TTC6: variants seen among roughly 807,000 people sequenced by gnomAD.
TTC6 encodes the protein tetratricopeptide repeat protein 6.
TTC6 carries 172 observed loss-of-function variants against 210.4 expected under a neutral mutation model. The observed-to-expected ratio is 0.82, with a 90% CI of 0.72 to 0.93. The LOEUF (loss-of-function observed/expected upper bound fraction) is 0.93. TTC6 is among the 40% of genes least tolerant of loss of function. TTC6 has a pLI of 0.00. For synonymous variants in TTC6, 804 were observed against 819.6 expected (o/e 0.98, Z 0.32); for missense variants, 2,414 against 2,318.1 (o/e 1.04, Z -0.85).
chr14:37,762,131 T>G (rs1308677368), intron 14 of TTC6, among the ~76,000 whole-genome samples: 1 of 152,240 alleles, frequency 6.6e-6, no homozygotes, highest in East Asian at 1.9e-4. Flanking sequence ...TTAATTCGTA[T>G]TGTTGTAAGT....
chr14:37,710,517 A>C (rs1334001470), intron 5 of TTC6, among the ~76,000 whole-genome samples: 1 of 152,146 alleles, frequency 6.6e-6, no homozygotes, highest in Non-Finnish European at 1.5e-5. Flanking sequence ...TGTTTCCTTC[A>C]TTCAACTCCC....
At position 37,756,253 on chromosome 14, in the gene TTC6, G is replaced by A. The variant is rs138632454; in HGVS notation, c.3266+3018G>A. ...TCAGCTTAAGGAGATTTGGGGCTGAGATGATGGCGTTTTCTAAATATACAA... is the reference window on the plus strand; with the variant it reads ...TCAGCTTAAGGAGATTTGGGGCTGAAATGATGGCGTTTTCTAAATATACAA... On this transcript the variant is annotated intron_variant, in intron 14 of 30. Transcript: ENST00000553443. Among the ~76,000 whole-genome samples, 1,295 of 152,308 alleles carry A rather than the reference G, an allele frequency of 8.5e-3. 28 individuals are homozygous for A. The highest frequency in any genetic ancestry group is 0.03 in the African/African-American group (1,230 of 41,556).
intron 3 of TTC6, among the ~76,000 whole-genome samples, chr14:37,685,500 G>A (rs1253202872): frequency 6.6e-6 from 1 of 152,142 alleles, no homozygotes; most frequent in African/African-American, 2.4e-5. Flanking sequence ...TCATATGGAT[G>A]AATAGTGTGA....
At chr14:37,780,196 A>T (rs2096050384) in intron 14 of TTC6, among the ~76,000 whole-genome samples, 1 of 152,252 alleles carries the variant, frequency 6.6e-6, no homozygotes, top group Non-Finnish European at 1.5e-5. Context: ...AAATAAATAC[A>T]AAGCTCTTCT....
intron 14 of TTC6, among the ~76,000 whole-genome samples, chr14:37,783,240 C>T (rs147341912): frequency 1.3e-5 from 2 of 152,146 alleles, no homozygotes; most frequent in Non-Finnish European, 2.9e-5. Context: ...TAGAATTCGG[C>T]TGTGAATCTG....
chr14:37,790,794 C>G, exon 16 of TTC6: 2 of 1,534,598 alleles, frequency 1.3e-6, no homozygotes, highest in Non-Finnish European at 1.7e-6. Flanking sequence ...AAAACTTTGG[C>G]TGCTGGCAAT....
chr14:37,803,009 A>G (rs1485437050), intron 20 of TTC6, among the ~76,000 whole-genome samples: 1 of 152,182 alleles, frequency 6.6e-6, no homozygotes, highest in Non-Finnish European at 1.5e-5. Flanking sequence ...CTGGAATTAC[A>G]GGTGTAAGCC....
rs146937720 is a variant in TTC6, at chr14:37,836,708, C to T, written c.5299-4737C>T. ...GGGAACAGGTGTTCAGCTATTCTAGCATGCTTTGAGCCTCCTTCGTAGAGA... is the reference window on the plus strand; with the variant it reads ...GGGAACAGGTGTTCAGCTATTCTAGTATGCTTTGAGCCTCCTTCGTAGAGA... On this transcript the variant is annotated intron_variant, in intron 29 of 30. Coordinates refer to ENST00000553443, the Ensembl canonical transcript of TTC6. Among the ~76,000 whole-genome samples, 946 of 152,288 alleles carry T rather than the reference C, an allele frequency of 6.2e-3. 13 individuals carry two copies. The highest frequency in any genetic ancestry group is 0.017 in the African/African-American group (724 of 41,564).
intron 20 of TTC6, among the ~76,000 whole-genome samples, chr14:37,801,725 A>G (rs2139390273): frequency 6.6e-6 from 1 of 152,248 alleles, no homozygotes; most frequent in Non-Finnish European, 1.5e-5. Flanking sequence ...TTTGCATCAC[A>G]CCAGTCAGAA....
At chr14:37,631,934 A>T (rs2095670713) in intron 1 of TTC6, among the ~76,000 whole-genome samples, 1 of 152,140 alleles carries the variant, frequency 6.6e-6, no homozygotes, top group South Asian at 2.1e-4. Context: ...TGCTTCATGA[A>T]GTTCTCGTGT....
intron 14 of TTC6, among the ~76,000 whole-genome samples, chr14:37,782,482 C>G (rs188567830): frequency 5.8e-4 from 89 of 152,166 alleles, no homozygotes; most frequent in Non-Finnish European, 1.0e-3. Flanking sequence ...GATTTTGTAT[C>G]CTGAGACTTT....
In TTC6 at chr14:37,776,112, G is replaced by A. The variant is rs1267300062; in HGVS notation, c.3267-11356G>A. Among the ~76,000 whole-genome samples the A allele has an allele frequency of 1.0e-4, 2 of 19,620 alleles. 1 individual carries two copies. The highest frequency in any genetic ancestry group is 2.6e-4 in the Non-Finnish European group (2 of 7,700). 12.9% of individuals were successfully genotyped at this position (19,620 alleles called of 152,430 possible). On this transcript the variant is annotated intron_variant, in intron 14 of 30. Transcript: ENST00000553443. ...GTCGCCCAGGCTGGAGTGCAGTGGC[G>A]CAATCTCGGCTCACTGCAAGCTCCG...
chr14:37,796,831 T>C (rs747190657), exon 20 of TTC6: 2 of 1,609,706 alleles, frequency 1.2e-6, no homozygotes, highest in Non-Finnish European at 1.7e-6. Flanking sequence ...TATTTATTCA[T>C]TTTGTGAAAA....
intron 7 of TTC6, among the ~76,000 whole-genome samples, chr14:37,725,810 G>A (rs1198143218): frequency 6.6e-6 from 1 of 151,900 alleles, no homozygotes; most frequent in Non-Finnish European, 1.5e-5. Flanking sequence ...GATCTTCATG[G>A]TATTTTCATT....
chr14:37,756,751 G>A (rs1040872002), intron 14 of TTC6, among the ~76,000 whole-genome samples: 1 of 152,186 alleles, frequency 6.6e-6, no homozygotes, highest in Non-Finnish European at 1.5e-5. Flanking sequence ...TGGTTTGCCA[G>A]TATTTTATTG....
rs148096654 is a variant in TTC6, at chr14:37,696,605, A to G, written c.1258-112A>G. ...TTTACTTTTAGCATTCTGTTATAAC[A>G]TATACATAGAAATCTGGAGTTTAAA... On this transcript the variant is annotated intron_variant, in intron 3 of 30. Transcript: ENST00000553443. 685 of 460,820 alleles carry G rather than the reference A, an allele frequency of 1.5e-3. 6 individuals carry two copies. Among genetic ancestry groups the G allele is most frequent in the African/African-American group, 0.012 (618 of 49,698 alleles). The allele number at this position is 460,820 out of a possible 1,614,324, so 28.5% of individuals were successfully genotyped here.
chr14:37,611,524 C>A (rs1178577761), intron 2 of TTC6, among the ~76,000 whole-genome samples: 1 of 152,100 alleles, frequency 6.6e-6, no homozygotes, highest in East Asian at 1.9e-4. Flanking sequence ...GGGGCTGGGG[C>A]ACTGGGGCTG....
intron 1 of TTC6, among the ~76,000 whole-genome samples, chr14:37,637,816 A>T (rs186756044): frequency 5.6e-4 from 86 of 152,302 alleles, no homozygotes; most frequent in African/African-American, 1.4e-3. Context: ...AATAATAATT[A>T]AAAAAAGTGG....
At chr14:37,774,961 T>C (rs1367094248) in intron 14 of TTC6, among the ~76,000 whole-genome samples, 1 of 152,192 alleles carries the variant, frequency 6.6e-6, no homozygotes, top group Non-Finnish European at 1.5e-5. Flanking sequence ...ATTTCAATTT[T>C]GGGAGGGTAT....
Sources: allele counts gnomAD v4.1 joint callset (sites outside exome capture counted in the v4.1 genomes callset), GRCh38; gene constraint gnomAD v4.1.1; transcripts MANE v1.5; gene names NCBI Gene and HGNC (gene_info 2026-07-23, HGNC 2026-07-21).